The following RANBP9 variants were observed in gnomAD, a reference collection of about 807,000 sequenced individuals.
RANBP9 encodes RAN binding protein 9.
In RANBP9, 15 loss-of-function variants were observed where a neutral mutation model predicts 84.3. The observed-to-expected ratio is 0.18, with a 90% CI of 0.12 to 0.27. The LOEUF is 0.27. Among genes scored for constraint, RANBP9 ranks in the 10% least tolerant of loss-of-function variants. The pLI, the probability that RANBP9 is intolerant of heterozygous loss-of-function variation, is 1.00. For missense variants in RANBP9, 809 were observed against 912.8 expected, an observed-to-expected ratio of 0.89 and a Z score of 1.46; for synonymous variants, 392 against 349.6, an observed-to-expected ratio of 1.12 and a Z score of -1.35.
chr6:13,700,219 G>A (rs763702059), intron 1 of RANBP9, among the ~76,000 whole-genome samples: 11 of 152,048 alleles, frequency 7.2e-5, no homozygotes, highest in Non-Finnish European at 1.6e-4. Context: ...CCTTCCAGTC[G>A]CCAACATGCA....
chr6:13,703,116 A>G (rs1758017337), intron 1 of RANBP9, among the ~76,000 whole-genome samples: 1 of 152,158 alleles, frequency 6.6e-6, no homozygotes, highest in African/African-American at 2.4e-5. Flanking sequence ...GGGTTCAAGC[A>G]GTCCTCCCAC....
chr6:13,701,776 AAAAAAACC>A (rs1353756107), intron 1 of RANBP9, among the ~76,000 whole-genome samples: 3 of 151,982 alleles, frequency 2.0e-5, no homozygotes, highest in Non-Finnish European at 4.4e-5. Context: ...ATCTCAAAAA[AAAAAAACC>A]AAAAAAACAA....
intron 12 of RANBP9, among the ~76,000 whole-genome samples, chr6:13,632,166 T>C (rs1208397426): frequency 9.4e-6 from 1 of 106,536 alleles, no homozygotes; most frequent in Non-Finnish European, 1.9e-5. Flanking sequence ...TTTTTTTTTT[T>C]TGCTTTAGTC....
In RANBP9 at chr6:13,646,551, G is replaced by C. The variant is rs557598714; in HGVS notation, c.928-1822C>G. Among the ~76,000 whole-genome samples, 4 of 152,254 alleles carry C rather than the reference G, an allele frequency of 2.6e-5. No homozygotes were observed. In the East Asian group the frequency reaches 7.7e-4, roughly 29 times the overall value. ...TGTTCATTAAGCAGTTTATAATGAT[G>C]ATATTCAGTATTGTCTAAATAAAGA... On this transcript the variant is annotated intron_variant, in intron 5 of 13. Transcript: ENST00000011619.
At chr6:13,628,288 A>G (rs1764679367) in intron 12 of RANBP9, among the ~76,000 whole-genome samples, 1 of 152,208 alleles carries the variant, frequency 6.6e-6, no homozygotes, top group African/African-American at 2.4e-5. Flanking sequence ...TCAGATATTG[A>G]GGATACAGTG....
intron 1 of RANBP9, among the ~76,000 whole-genome samples, chr6:13,697,777 G>A (rs1757876403): frequency 6.6e-6 from 1 of 152,186 alleles, no homozygotes; most frequent in Admixed American, 6.5e-5. Flanking sequence ...AGTACTCATA[G>A]AGTATGAGTG....
chr6:13,693,264 A>G (rs1481463730), intron 2 of RANBP9, among the ~76,000 whole-genome samples: 1 of 152,188 alleles, frequency 6.6e-6, no homozygotes, highest in Non-Finnish European at 1.5e-5. Context: ...AGAACTCCAA[A>G]TGGTACCTTA....
At chr6:13,644,357 A>T (rs1342343520) in intron 6 of RANBP9, among the ~76,000 whole-genome samples, 188 bp downstream of exon 6, 5 of 152,184 alleles carry the variant, frequency 3.3e-5, no homozygotes, top group African/African-American at 1.2e-4. Context: ...CGTGTGTCAA[A>T]CAATTGTTTT....
chr6:13,679,872 C>T (rs1765988111), intron 2 of RANBP9, among the ~76,000 whole-genome samples: 1 of 152,022 alleles, frequency 6.6e-6, no homozygotes, highest in Non-Finnish European at 1.5e-5. Flanking sequence ...AAAAATTACA[C>T]TGGATGTTCA....
At chr6:13,680,022 AC>A (rs1765991581) in intron 2 of RANBP9, among the ~76,000 whole-genome samples, 1 of 152,168 alleles carries the variant, frequency 6.6e-6, no homozygotes, top group Admixed American at 6.5e-5. Flanking sequence ...AAAGTAAAAG[AC>A]CCCACAAGAA....
chr6:13,647,801 C>T (rs533525199), intron 5 of RANBP9, among the ~76,000 whole-genome samples: 1 of 152,036 alleles, frequency 6.6e-6, no homozygotes, highest in African/African-American at 2.4e-5. Flanking sequence ...TTTTGGCTCA[C>T]TGAAAAGTAA....
chr6:13,685,969 G>A (rs892065459), intron 2 of RANBP9, among the ~76,000 whole-genome samples: 2 of 150,874 alleles, frequency 1.3e-5, no homozygotes, highest in Non-Finnish European at 2.9e-5. Flanking sequence ...TAAAATATAA[G>A]TGTATATATA....
intron 12 of RANBP9, among the ~76,000 whole-genome samples, chr6:13,627,060 A>G (rs1187110298): frequency 1.3e-5 from 2 of 152,186 alleles, no homozygotes; most frequent in Non-Finnish European, 2.9e-5. Context: ...CATTCTGGGT[A>G]GTTTTCTCCT....
At chr6:13,676,198 T>C (rs1308051208) in intron 2 of RANBP9, among the ~76,000 whole-genome samples, 1 of 152,040 alleles carries the variant, frequency 6.6e-6, no homozygotes, top group Admixed American at 6.6e-5. Flanking sequence ...CCAATAAGGG[T>C]GTACGATATA....
intron 11 of RANBP9, among the ~76,000 whole-genome samples, chr6:13,634,164 G>A (rs1317503247): frequency 6.6e-6 from 1 of 152,198 alleles, no homozygotes; most frequent in Non-Finnish European, 1.5e-5. Context: ...CTCAACACCA[G>A]TAAGTCAGTA....
intron 5 of RANBP9, among the ~76,000 whole-genome samples, 159 bp downstream of exon 5, chr6:13,652,500 C>G (rs1765319214): frequency 6.6e-6 from 1 of 152,164 alleles, no homozygotes; most frequent in African/African-American, 2.4e-5. Flanking sequence ...AGGGTCTACA[C>G]CCAAGGTGGT....
At position 13,685,651 on chromosome 6, in the gene RANBP9, C is replaced by T. The variant is rs568045626; in HGVS notation, c.683+11134G>A. ...AACCTGTATAAAGAGGATACCAGGC[C>T]GGGCGCGGTGGCTCACACCTGTAAT... On this transcript the variant is annotated intron_variant, in intron 2 of 13. Transcript: ENST00000011619. 2.0e-4 allele frequency among the ~76,000 whole-genome samples: 31 copies of T among 152,096 alleles called. No individual in the cohort carries two copies. In the South Asian group the frequency reaches 2.3e-3, roughly 11 times the overall value.
At chr6:13,705,878 A>AAAAAG (rs1758101286) in intron 1 of RANBP9, among the ~76,000 whole-genome samples, 1 of 151,426 alleles carries the variant, frequency 6.6e-6, no homozygotes, top group Non-Finnish European at 1.5e-5. Context: ...CAAAAAAAAA[A>AAAAAG]AAAAAAAAGA....
intron 2 of RANBP9, among the ~76,000 whole-genome samples, chr6:13,672,320 C>T (rs189420293): frequency 6.6e-6 from 1 of 151,984 alleles, no homozygotes; most frequent in East Asian, 1.9e-4. Flanking sequence ...ACTAAAAAAC[C>T]CAACAGATTT....
Sources: allele counts gnomAD v4.1 joint callset (sites outside exome capture counted in the v4.1 genomes callset), GRCh38; gene constraint gnomAD v4.1.1; transcripts MANE v1.5; gene names NCBI Gene and HGNC (gene_info 2026-07-23, HGNC 2026-07-21).